The following BAAT variants were observed in gnomAD, a reference collection of about 807,000 sequenced individuals.
BAAT encodes bile acid-CoA:amino acid N-acyltransferase.
Under a neutral mutation model 18.9 loss-of-function variants are expected in BAAT, and 13 were observed. The ratio of observed to expected loss-of-function variants is 0.69; its 90% confidence interval spans 0.45 to 1.10. The LOEUF is 1.10. Among genes scored for constraint, BAAT ranks in the 50% least tolerant of loss-of-function variants. The probability of loss-of-function intolerance (pLI) is 0.00; values close to 1 mark genes in which losing one functional copy is unlikely to be tolerated. For synonymous variants in BAAT, 170 were observed against 190.7 expected (o/e 0.89, Z 0.89); for missense variants, 489 against 504.0 (o/e 0.97, Z 0.28).
intron 1 of BAAT, among the ~76,000 whole-genome samples, chr9:101,381,099 G>A (rs1830125459): frequency 1.3e-5 from 2 of 151,982 alleles, no homozygotes; most frequent in African/African-American, 4.8e-5. Context: ...ACATTTTTGG[G>A]AAATGCAATC....
At chr9:101,365,622 C>T (rs1043792961) in intron 3 of BAAT, among the ~76,000 whole-genome samples, 5 of 151,948 alleles carry the variant, frequency 3.3e-5, no homozygotes, top group East Asian at 1.9e-4. Flanking sequence ...CTGCAACCTC[C>T]GCCTCTCAGG....
At position 101,362,916 on chromosome 9, in the gene BAAT, T is replaced by G; in HGVS notation, c.769A>C (p.Ile257Leu). The change falls in exon 4 of 4, where the codon ATT becomes CTT. Residue 257 changes from isoleucine (I) to leucine (L), a missense_variant. Transcript: ENST00000259407. ...CCAAAAGGAAAGTTGGTCCCATTAA[T>G]AAGTACCGTGGCTGTGACTTGCTTT... ...YLKQVTATVL[I>L]NGTNFPFGIP... 6.2e-7 allele frequency: 1 copy of G among 1,614,066 alleles called. No individual in the cohort carries two copies. Among genetic ancestry groups the G allele is most frequent in the Non-Finnish European group, 8.5e-7 (1 of 1,179,940 alleles).
intron 1 of BAAT, among the ~76,000 whole-genome samples, chr9:101,381,435 A>T (rs982348517): frequency 2.6e-5 from 4 of 152,110 alleles, no homozygotes; most frequent in African/African-American, 9.7e-5. Context: ...GAGGCAGAAG[A>T]ATTGCTTGAG....
intron 1 of BAAT, among the ~76,000 whole-genome samples, chr9:101,377,735 G>A (rs1301098966): frequency 1.3e-5 from 2 of 152,086 alleles, no homozygotes; most frequent in Non-Finnish European, 2.9e-5. Context: ...ATTCAACAAA[G>A]TATTGGAAGT....
chr9:101,367,388 T>A (rs1249769736), intron 3 of BAAT, among the ~76,000 whole-genome samples: 1 of 152,188 alleles, frequency 6.6e-6, no homozygotes, highest in Admixed American at 6.5e-5. Flanking sequence ...AGCTATAAGA[T>A]AAGGCTGAAG....
chr9:101,366,489 G>GA (rs748426837), intron 3 of BAAT, among the ~76,000 whole-genome samples: 31 of 152,146 alleles, frequency 2.0e-4, no homozygotes, highest in East Asian at 5.8e-4. Context: ...AGAGTCTGGG[G>GA]AAAAAAATCT....
At position 101,362,567 on chromosome 9, in the gene BAAT, C is replaced by G. The variant is rs543108577; in HGVS notation, c.1118G>C (p.Cys373Ser). ...LIEPPYSPLC[C>S]ASTTHDLRLH... The stretch of plus-strand genomic sequence containing the variant: ...CCTCAAATCGTGGGTCGTTGAGGCA[C>G]AGCACAGAGGAGAATAGGGAGGTTC... Residue 373 changes from cysteine to serine, a missense_variant, in exon 4 of 4, where the codon TGT becomes TCT. Coordinates refer to ENST00000259407, the MANE Select transcript of BAAT (RefSeq NM_001701.4). The G allele has an allele frequency of 6.2e-7, 1 of 1,614,098 alleles. No individual in the cohort carries two copies. Among genetic ancestry groups the G allele is most frequent in the Non-Finnish European group, 8.5e-7 (1 of 1,180,038 alleles).
At chr9:101,384,296 A>G in intron 1 of BAAT, among the ~76,000 whole-genome samples, 1 of 152,210 alleles carries the variant, frequency 6.6e-6, no homozygotes, top group East Asian at 1.9e-4. Context: ...TAAAAATCTC[A>G]GGTGAATATG....
chr9:101,372,611 T>G (rs1829971807), intron 1 of BAAT, among the ~76,000 whole-genome samples: 1 of 135,040 alleles, frequency 7.4e-6, no homozygotes, highest in Admixed American at 8.4e-5. Flanking sequence ...AAAATTAGTT[T>G]TGGGGTTGTT....
At chr9:101,365,580 A>G (rs1242857718) in intron 3 of BAAT, among the ~76,000 whole-genome samples, 1 of 151,952 alleles carries the variant, frequency 6.6e-6, no homozygotes, top group Non-Finnish European at 1.5e-5. Flanking sequence ...TCTGTCACCC[A>G]GGCTGGAGTG....
intron 2 of BAAT, among the ~76,000 whole-genome samples, chr9:101,369,088 T>C (rs1829881880): frequency 6.6e-6 from 1 of 152,188 alleles, no homozygotes. Flanking sequence ...ACAGTCACTC[T>C]GTATAGGCAG....
At chr9:101,370,856 G>T in intron 2 of BAAT, 83 bp downstream of exon 2, 2 of 1,404,856 alleles carry the variant, frequency 1.4e-6, no homozygotes, top group Non-Finnish European at 1.0e-6. Context: ...AATTCTACAA[G>T]CTATTCAAGC....
At chr9:101,383,962 A>C (rs1830167773) in intron 1 of BAAT, among the ~76,000 whole-genome samples, 1 of 152,166 alleles carries the variant, frequency 6.6e-6, no homozygotes, top group Non-Finnish European at 1.5e-5. Flanking sequence ...GGGGAGGACC[A>C]AATCTCCTAC....
intron 1 of BAAT, among the ~76,000 whole-genome samples, chr9:101,374,725 GA>G (rs1244597606): frequency 6.6e-6 from 1 of 152,132 alleles, no homozygotes; most frequent in African/African-American, 2.4e-5. Flanking sequence ...TCTGCTATAA[GA>G]GGAACCAAAG....
rs1829726120 is a variant in BAAT at position 101,361,636 on chromosome 9, A to T, written c.*792T>A. The T allele has an allele frequency of 6.5e-6, 1 of 152,682 alleles. No individual in the cohort carries two copies. The highest frequency in any genetic ancestry group is 6.5e-5 in the Admixed American group (1 of 15,278). The allele number at this position is 152,682 out of a possible 1,614,324, so 9.5% of individuals were successfully genotyped here. ...ACAGTGATAGTTGACCCAATCACTC[A>T]GTTTATCAAACTCCCCAGGCTAGCC... is the stretch of plus-strand genomic sequence containing the variant. On this transcript the variant is annotated 3_prime_UTR_variant, in exon 4 of 4. Coordinates refer to ENST00000259407, the MANE Select transcript of BAAT (RefSeq NM_001701.4).
At position 101,371,386 on chromosome 9, in the gene BAAT, T is replaced by C; in HGVS notation, c.19A>G (p.Thr7Ala). Residue 7 changes from threonine to alanine, a missense_variant, in exon 2 of 4, where the codon ACC becomes GCC. Transcript: ENST00000259407. ...TCATCAACAAGTGCACTCACAGGGG[T>C]AGCTGTCAACTGGATCATTTTTTTA... MIQLTA[T>A]PVSALVDEPV... 1 of 1,611,324 alleles carries C rather than the reference T, an allele frequency of 6.2e-7. No individual in the cohort carries two copies. Among genetic ancestry groups the C allele is most frequent in the Non-Finnish European group, 8.5e-7 (1 of 1,179,984 alleles).
chr9:101,374,595 C>T (rs76025423), intron 1 of BAAT, among the ~76,000 whole-genome samples: 5,632 of 152,146 alleles, frequency 0.037, 144 homozygotes, highest in Middle Eastern at 0.075. Context: ...ACAAAGGGAC[C>T]TACCCATATT....
At chr9:101,372,294 TAA>T (rs11349375) in intron 1 of BAAT, among the ~76,000 whole-genome samples, 274 of 145,012 alleles carry the variant, frequency 1.9e-3, no homozygotes, top group African/African-American at 3.2e-3. Context: ...AAATGAAAGT[TAA>T]AAAAAAAAAA....
chr9:101,372,189 C>T (rs1408625690), intron 1 of BAAT, among the ~76,000 whole-genome samples: 1 of 151,880 alleles, frequency 6.6e-6, no homozygotes, highest in East Asian at 1.9e-4. Context: ...TGAAAAACTA[C>T]CTATTGGGTA....
Sources: gnomAD v4.1 joint callset for allele counts (sites outside exome capture counted in the v4.1 genomes callset) on GRCh38, gnomAD v4.1.1 for gene constraint, MANE v1.5 for transcripts, NCBI Gene and HGNC (gene_info 2026-07-23, HGNC 2026-07-21) for gene names.